The following MAPKAP1 variants were observed in gnomAD, a reference collection of about 807,000 sequenced individuals.
MAPKAP1 encodes target of rapamycin complex 2 subunit MAPKAP1.
A neutral mutation model predicts 65.7 loss-of-function variants in MAPKAP1; 20 were observed. The observed-to-expected ratio is 0.30, with a 90% confidence interval of 0.21 to 0.44. MAPKAP1 has a LOEUF of 0.44. Among genes scored for constraint, MAPKAP1 ranks in the 20% least tolerant of loss-of-function variants. MAPKAP1 has a pLI of 1.00. For synonymous variants in MAPKAP1, 222 were observed against 244.3 expected (o/e 0.91, Z 0.85); for missense variants, 423 against 648.0 (o/e 0.65, Z 3.77).
At chr9:125,441,544 G>A (rs1434549035) in intron 11 of MAPKAP1, among the ~76,000 whole-genome samples, 2 of 152,204 alleles carry the variant, frequency 1.3e-5, no homozygotes, top group Admixed American at 1.3e-4. Flanking sequence ...GCTCGATGGA[G>A]GCTTTGTTCA....
chr9:125,640,190 G>T (rs528705788), intron 4 of MAPKAP1, among the ~76,000 whole-genome samples: 13 of 151,940 alleles, frequency 8.6e-5, no homozygotes, highest in Non-Finnish European at 1.6e-4. Flanking sequence ...TGCAAGCTCT[G>T]CCTCCTGAGT....
At chr9:125,459,790 C>CAGAGGGAGACCGCGGAAAGAGAGGG (rs1853396704) in intron 10 of MAPKAP1, among the ~76,000 whole-genome samples, 1 of 91,212 alleles carries the variant, frequency 1.1e-5, no homozygotes. Context: ...GGCTCGGCAT[C>CAGAGGGAGACCGCGGAAAGAGAGGG]AGAGGGAGAC....
At chr9:125,646,731 T>C (rs2131725879) in intron 4 of MAPKAP1, among the ~76,000 whole-genome samples, 1 of 152,338 alleles carries the variant, frequency 6.6e-6, no homozygotes, top group Non-Finnish European at 1.5e-5. Flanking sequence ...ATTGTTTTGA[T>C]ACCATAATTA....
chr9:125,581,312 TATC>T (rs1295859664), intron 5 of MAPKAP1, among the ~76,000 whole-genome samples: 1 of 152,258 alleles, frequency 6.6e-6, no homozygotes, highest in Non-Finnish European at 1.5e-5. Context: ...CATTTTACAT[TATC>T]AACAGAAATG....
intron 6 of MAPKAP1, among the ~76,000 whole-genome samples, chr9:125,558,852 A>G (rs1486749296): frequency 6.6e-6 from 1 of 152,238 alleles, no homozygotes. Flanking sequence ...TCCTTGATTT[A>G]TAAGTGTAGG....
intron 8 of MAPKAP1, among the ~76,000 whole-genome samples, chr9:125,492,732 T>C (rs1354313173): frequency 2.0e-5 from 3 of 152,228 alleles, no homozygotes; most frequent in African/African-American, 4.8e-5. Context: ...GGCCCCAATC[T>C]AGTTATAAAT....
At chr9:125,505,958 CTGAATAG>C (rs1209591443) in intron 8 of MAPKAP1, 1 of 267,764 alleles carries the variant, frequency 3.7e-6, no homozygotes, top group Non-Finnish European at 7.3e-6. Flanking sequence ...AACCTGATGT[CTGAATAG>C]TGATACTGAC....
intron 11 of MAPKAP1, among the ~76,000 whole-genome samples, chr9:125,440,778 G>C (rs955113659): frequency 3.3e-5 from 5 of 152,212 alleles, no homozygotes; most frequent in Non-Finnish European, 5.9e-5. Flanking sequence ...AGGACCGCAG[G>C]GCCAGGTTGA....
At chr9:125,693,610 T>TATATACAC (rs1835255574) in intron 1 of MAPKAP1, among the ~76,000 whole-genome samples, 1 of 146,286 alleles carries the variant, frequency 6.8e-6, no homozygotes, top group African/African-American at 2.5e-5. Flanking sequence ...CACATACACA[T>TATATACAC]ATATACACAC....
chr9:125,485,094 T>G (rs982087010), intron 8 of MAPKAP1, among the ~76,000 whole-genome samples: 1 of 152,158 alleles, frequency 6.6e-6, no homozygotes, highest in African/African-American at 2.4e-5. Context: ...CCATTGGTAC[T>G]GATATTCCCA....
At chr9:125,443,115 C>T (rs914194103) in intron 11 of MAPKAP1, among the ~76,000 whole-genome samples, 13 of 152,222 alleles carry the variant, frequency 8.5e-5, no homozygotes, top group Admixed American at 7.2e-4. Context: ...TGATGGGACA[C>T]GTGGAGCCTC....
At chr9:125,483,891 G>A (rs907788107) in intron 9 of MAPKAP1, among the ~76,000 whole-genome samples, 2 of 152,130 alleles carry the variant, frequency 1.3e-5, no homozygotes, top group African/African-American at 2.4e-5. Context: ...TGATGATAAT[G>A]ATGATGTATT....
chr9:125,647,281 T>C (rs1833756000), intron 4 of MAPKAP1, among the ~76,000 whole-genome samples: 1 of 152,246 alleles, frequency 6.6e-6, no homozygotes, highest in South Asian at 2.1e-4. Flanking sequence ...ACACAGCTCT[T>C]ATGATACTGC....
chr9:125,492,943 T>C (rs1467384424), intron 8 of MAPKAP1, among the ~76,000 whole-genome samples: 1 of 152,196 alleles, frequency 6.6e-6, no homozygotes, highest in Non-Finnish European at 1.5e-5. Context: ...GGGATGGCAG[T>C]GTTCCCAGAT....
chr9:125,632,814 T>G (rs1399590639), intron 4 of MAPKAP1, among the ~76,000 whole-genome samples: 1 of 152,192 alleles, frequency 6.6e-6, no homozygotes, highest in African/African-American at 2.4e-5. Context: ...ACTCTGTGCC[T>G]CGTCTCTCAG....
rs555211188 is a variant in MAPKAP1 at position 125,670,019 on chromosome 9, A to G, written c.260-112T>C. The stretch of plus-strand genomic sequence containing the variant: ...GATGTTTTATATTGCATATGTAGAG[A>G]AAAAGTCATAAAATTTTAAAGGTGG... On this transcript the variant is annotated intron_variant, in intron 2 of 11. Coordinates refer to ENST00000265960, the MANE Select transcript of MAPKAP1 (RefSeq NM_001006617.3). The G allele has an allele frequency of 7.7e-4, 435 of 567,340 alleles. 4 individuals carry two copies. In the South Asian group the frequency reaches 9.7e-3, roughly 13 times the overall value. 35.1% of individuals were successfully genotyped at this position (567,340 alleles called of 1,614,324 possible).
chr9:125,675,090 T>A (rs1170449754), intron 1 of MAPKAP1, among the ~76,000 whole-genome samples: 1 of 152,156 alleles, frequency 6.6e-6, no homozygotes. Flanking sequence ...TGTGGAAGCA[T>A]AGTATCACAG....
chr9:125,543,877 C>T (rs1234594480), intron 6 of MAPKAP1, among the ~76,000 whole-genome samples: 2 of 152,070 alleles, frequency 1.3e-5, no homozygotes, highest in African/African-American at 4.8e-5. Flanking sequence ...TCACTACAGG[C>T]AGATACTGCC....
In MAPKAP1 at chr9:125,706,785, T is replaced by G. The variant is rs182805184; in HGVS notation, c.-70+186A>C. ...TTTTCCCCTAAACCACACACCCGCC[T>G]CAGACTCCTGACAGCCTCCAGTTCT... is the stretch of plus-strand genomic sequence containing the variant. On this transcript the variant is annotated intron_variant, in intron 1 of 11. Transcript: ENST00000265960. Among the ~76,000 whole-genome samples the G allele has an allele frequency of 9.4e-4, 142 of 151,532 alleles. 1 individual carries two copies. In the Middle Eastern group the frequency reaches 0.027, roughly 29 times the overall value.
Sources: gnomAD v4.1 joint callset for allele counts (sites outside exome capture counted in the v4.1 genomes callset) on GRCh38, gnomAD v4.1.1 for gene constraint, MANE v1.5 for transcripts, NCBI Gene and HGNC (gene_info 2026-07-23, HGNC 2026-07-21) for gene names.